ADAMTS18: variants seen among roughly 807,000 people sequenced by gnomAD.
The protein encoded by ADAMTS18 is A disintegrin and metalloproteinase with thrombospondin motifs 18.
ADAMTS18 carries 157 observed loss-of-function variants against 165.9 expected under a neutral mutation model. The observed-to-expected ratio is 0.95, with a 90% CI of 0.83 to 1.08. The LOEUF (loss-of-function observed/expected upper bound fraction) is 1.08, where lower values mean the gene tolerates loss of function less well. ADAMTS18 is among the 50% of genes least tolerant of loss of function. The pLI is 0.00. For synonymous variants in ADAMTS18, 782 were observed against 578.2 expected, an observed-to-expected ratio of 1.35 and a Z score of -5.06; for missense variants, 2,040 against 1,534.0, an observed-to-expected ratio of 1.33 and a Z score of -5.51.
intron 3 of ADAMTS18, among the ~76,000 whole-genome samples, chr16:77,413,948 CTA>C (rs1016056889): frequency 2.2e-4 from 33 of 152,054 alleles, no homozygotes; most frequent in African/African-American, 7.0e-4. Context: ...AATTTAGTCT[CTA>C]TTTTAAATTC....
intron 3 of ADAMTS18, 73 bp from the exon 4 acceptor site, chr16:77,367,796 T>C (rs1043322712): frequency 5.1e-6 from 8 of 1,567,012 alleles, no homozygotes; most frequent in African/African-American, 1.3e-5. Context: ...TTTCAACAAC[T>C]GCTTCTGACT....
At chr16:77,432,823 T>A (rs1372458632) in intron 2 of ADAMTS18, among the ~76,000 whole-genome samples, 2 of 150,848 alleles carry the variant, frequency 1.3e-5, no homozygotes, top group African/African-American at 4.9e-5. Context: ...CAAAGATCAA[T>A]GAGTGATGGC....
rs1374530203 is a variant in ADAMTS18, at chr16:77,289,377, C to T, written c.3437G>A (p.Arg1146Gln). 2.0e-5 allele frequency: 32 copies of T among 1,613,936 alleles called. No individual in the cohort carries two copies. Among genetic ancestry groups the T allele is most frequent in the Admixed American group, 5.0e-5 (3 of 60,002 alleles). ...TVTCGGGVQT[R>Q]SVHCVQQGRP... is the part of the protein sequence containing the mutation. Reference sequence around the variant, plus strand: ...GCCTTGCTGAACACAGTGGACTGACCGGGTCTGGACCCCTCCCCCACAGGT... The same window carrying T: ...GCCTTGCTGAACACAGTGGACTGACTGGGTCTGGACCCCTCCCCCACAGGT... The change falls in exon 22 of 23, where the codon CGG becomes CAG. Residue 1146 changes from arginine (R) to glutamine (Q), a missense_variant. Physicochemically the swap from Arg to Gln is conservative, Grantham distance 43. Transcript: ENST00000282849.
rs1054100917 is a variant in ADAMTS18 at position 77,362,696 on chromosome 16, A to ATCAG, written c.1057-433_1057-432insCTGA. The stretch of plus-strand genomic sequence containing the variant: ...ATCATAGATTACAATCAATCAATCA[A>ATCAG]TATAATGAAAATTCACTGAATGAAT... On this transcript the variant is annotated intron_variant, in intron 6 of 22. Transcript: ENST00000282849. Among the ~76,000 whole-genome samples the ATCAG allele has an allele frequency of 3.4e-4, 52 of 152,192 alleles. 1 individual carries two copies. The highest frequency in any genetic ancestry group is 6.8e-3 in the Middle Eastern group (2 of 294).
At chr16:77,288,807 C>T (rs1422777484) in intron 22 of ADAMTS18, among the ~76,000 whole-genome samples, 1 of 152,104 alleles carries the variant, frequency 6.6e-6, no homozygotes, top group Admixed American at 6.6e-5. Context: ...CCTTCAGACC[C>T]ATGCAAACAA....
chr16:77,333,852 A>T (rs567689353), intron 12 of ADAMTS18, among the ~76,000 whole-genome samples: 1 of 137,530 alleles, frequency 7.3e-6, no homozygotes, highest in South Asian at 2.3e-4. Flanking sequence ...ATAATATAGT[A>T]TACTATTATA....
chr16:77,359,200 A>C, intron 8 of ADAMTS18, 118 bp downstream of exon 8: 1 of 903,828 alleles, frequency 1.1e-6, no homozygotes, highest in Non-Finnish European at 1.8e-6. Flanking sequence ...AACTATTCTA[A>C]GCTTTACACA....
intron 3 of ADAMTS18, among the ~76,000 whole-genome samples, chr16:77,373,977 A>C (rs2056914019): frequency 6.6e-6 from 1 of 152,084 alleles, no homozygotes; most frequent in Non-Finnish European, 1.5e-5. Flanking sequence ...CCAGCACTTC[A>C]GGAGGCCAAG....
At chr16:77,391,425 A>G (rs559876483) in intron 3 of ADAMTS18, among the ~76,000 whole-genome samples, 2 of 151,980 alleles carry the variant, frequency 1.3e-5, no homozygotes, top group South Asian at 4.2e-4. Context: ...TGGGAGGTGG[A>G]AGTTGCAGTT....
At chr16:77,322,505 G>T (rs796257322) in intron 13 of ADAMTS18, 39 bp from the exon 14 acceptor site, 15 of 1,608,116 alleles carry the variant, frequency 9.3e-6, no homozygotes, top group Non-Finnish European at 1.3e-5. Context: ...TGGTCAAGAG[G>T]AAACTAAGGA....
chr16:77,291,609 C>A, intron 20 of ADAMTS18, 131 bp from the exon 21 acceptor site: 1 of 932,010 alleles, frequency 1.1e-6, no homozygotes, highest in Non-Finnish European at 1.7e-6. Flanking sequence ...GTCAACCACA[C>A]TCACTCGAGG....
chr16:77,417,313 G>A (rs1047070360), intron 3 of ADAMTS18, among the ~76,000 whole-genome samples: 2 of 152,014 alleles, frequency 1.3e-5, no homozygotes, highest in Non-Finnish European at 2.9e-5. Flanking sequence ...TGGATGGATG[G>A]GAGAATGGAA....
intron 4 of ADAMTS18, among the ~76,000 whole-genome samples, chr16:77,364,982 T>C (rs187406880): frequency 2.6e-5 from 4 of 152,206 alleles, no homozygotes; most frequent in African/African-American, 9.6e-5. Flanking sequence ...GGTGCATGCT[T>C]GTAATCCTAG....
At position 77,435,024 on chromosome 16, in the gene ADAMTS18, T is replaced by C; in HGVS notation, c.-329A>G. ...CCGTCTGTGCGTCTGTCTGTGTCGGTGTGAGCGTCTGAGGCGATGGGGAAG... is the reference window on the plus strand; with the variant it reads ...CCGTCTGTGCGTCTGTCTGTGTCGGCGTGAGCGTCTGAGGCGATGGGGAAG... On this transcript the variant is annotated 5_prime_UTR_variant, in exon 1 of 23. Transcript: ENST00000282849. 1 of 207,562 alleles carries C rather than the reference T, an allele frequency of 4.8e-6. No homozygotes were observed. Among genetic ancestry groups the C allele is most frequent in the Non-Finnish European group, 9.5e-6 (1 of 104,750 alleles). The allele number at this position is 207,562 out of a possible 1,614,324, so 12.9% of individuals were successfully genotyped here. A position where few individuals can be genotyped will look rare whatever the true frequency, so the allele number is the denominator to read the frequency against.
At chr16:77,307,161 A>C (rs2055696656) in intron 16 of ADAMTS18, among the ~76,000 whole-genome samples, 1 of 152,248 alleles carries the variant, frequency 6.6e-6, no homozygotes, top group Non-Finnish European at 1.5e-5. Flanking sequence ...CAACTGAAAT[A>C]TAATAGACTT....
chr16:77,291,221 G>C, intron 21 of ADAMTS18, 45 bp downstream of exon 21: 7 of 1,603,970 alleles, frequency 4.4e-6, no homozygotes, highest in Non-Finnish European at 6.0e-6. Context: ...CTCATTTTTC[G>C]ACATCTCACT....
intron 3 of ADAMTS18, among the ~76,000 whole-genome samples, chr16:77,393,392 C>T (rs1467917494): frequency 2.6e-5 from 4 of 152,134 alleles, no homozygotes; most frequent in Admixed American, 1.3e-4. Context: ...TACACATGAA[C>T]GAATGGACAG....
At chr16:77,362,439 T>C (rs1234348346) in intron 6 of ADAMTS18, among the ~76,000 whole-genome samples, 175 bp from the exon 7 acceptor site, 2 of 152,198 alleles carry the variant, frequency 1.3e-5, no homozygotes, top group Admixed American at 6.5e-5. Context: ...CTCACAATAT[T>C]TAAAGCAACT....
intron 3 of ADAMTS18, among the ~76,000 whole-genome samples, chr16:77,402,129 G>A (rs924226486): frequency 7.9e-5 from 12 of 152,162 alleles, no homozygotes; most frequent in African/African-American, 2.9e-4. Context: ...ATGTCCTATG[G>A]GTTCTGTTTT....
Sources: allele counts gnomAD v4.1 joint callset (sites outside exome capture counted in the v4.1 genomes callset), GRCh38; gene constraint gnomAD v4.1.1; transcripts MANE v1.5; gene names NCBI Gene and HGNC (gene_info 2026-07-23, HGNC 2026-07-21).